ERI3: variants seen among roughly 807,000 people sequenced by gnomAD.
ERI3 encodes the protein ERI1 exoribonuclease 3.
A neutral mutation model predicts 44.4 loss-of-function variants in ERI3; 18 were observed. That is an observed-to-expected ratio of 0.41 (90% CI 0.28 to 0.60). The LOEUF (loss-of-function observed/expected upper bound fraction) is 0.60, where lower values mean the gene tolerates loss of function less well. Ranked by LOEUF, ERI3 falls within the 20% of genes least tolerant of loss-of-function variation. ERI3 has a pLI of 0.36. For missense variants in ERI3, 294 were observed against 435.5 expected, an observed-to-expected ratio of 0.68 and a Z score of 2.89; for synonymous variants, 183 against 164.8, an observed-to-expected ratio of 1.11 and a Z score of -0.84.
intron 8 of ERI3, among the ~76,000 whole-genome samples, chr1:44,236,061 G>A (rs986853664): frequency 2.1e-4 from 32 of 152,304 alleles, no homozygotes; most frequent in South Asian, 1.0e-3. Flanking sequence ...GCTAACAGGT[G>A]GGCCCCAGTG....
intron 6 of ERI3, among the ~76,000 whole-genome samples, chr1:44,306,854 AC>A (rs1447640813): frequency 6.6e-6 from 1 of 152,096 alleles, no homozygotes; most frequent in Non-Finnish European, 1.5e-5. Context: ...GGCCATATGA[AC>A]CCCAGAATTC....
At chr1:44,280,892 G>GCATT (rs1645271126) in intron 7 of ERI3, among the ~76,000 whole-genome samples, 1 of 152,074 alleles carries the variant, frequency 6.6e-6, no homozygotes, top group Admixed American at 6.6e-5. Context: ...TACATTTTAG[G>GCATT]CATTCATTCA....
rs746504894 is a variant in ERI3, at chr1:44,353,758, G to A, written c.136-833C>T. The A allele has an allele frequency of 6.2e-4, 615 of 985,320 alleles. 2 individuals carry two copies. Among genetic ancestry groups the A allele is most frequent in the Non-Finnish European group, 7.1e-4 (592 of 829,946 alleles). 61.0% of individuals were successfully genotyped at this position (985,320 alleles called of 1,614,324 possible). ...AGCTGATTATTTACAGGATCTTTGGGCAGGAATTGTTAATGAGCTTTTAAT... is the reference window on the plus strand; with the variant it reads ...AGCTGATTATTTACAGGATCTTTGGACAGGAATTGTTAATGAGCTTTTAAT... On this transcript the variant is annotated intron_variant, in intron 1 of 8. Coordinates refer to ENST00000372257, the MANE Select transcript of ERI3 (RefSeq NM_024066.3).
At chr1:44,301,930 C>CAAATATCACT (rs1413195106) in intron 6 of ERI3, among the ~76,000 whole-genome samples, 1 of 152,232 alleles carries the variant, frequency 6.6e-6, no homozygotes, top group Admixed American at 6.5e-5. Flanking sequence ...ATTCCTCATG[C>CAAATATCACT]AAATATCACT....
chr1:44,225,279 C>T (rs760680156), intron 8 of ERI3, among the ~76,000 whole-genome samples: 1 of 152,176 alleles, frequency 6.6e-6, no homozygotes, highest in South Asian at 2.1e-4. Context: ...AGAAGGCTAA[C>T]CTTTGGTTTT....
chr1:44,319,325 C>T (rs609361), intron 4 of ERI3, among the ~76,000 whole-genome samples: 148,209 of 152,362 alleles, frequency 0.97, 72,113 homozygotes, highest in Middle Eastern at 1. Context: ...CTAAGGAAAA[C>T]TGAACTGGAA....
At chr1:44,254,182 C>T (rs549298489) in intron 7 of ERI3, among the ~76,000 whole-genome samples, 11 of 152,268 alleles carry the variant, frequency 7.2e-5, no homozygotes, top group African/African-American at 1.4e-4. Flanking sequence ...CAGCCATGGA[C>T]GTTGCCTCTC....
intron 6 of ERI3, among the ~76,000 whole-genome samples, chr1:44,294,604 T>C (rs1371481554): frequency 6.6e-6 from 1 of 152,186 alleles, no homozygotes; most frequent in East Asian, 1.9e-4. Flanking sequence ...GTCATGACTG[T>C]AGAAGTGCTG....
chr1:44,230,964 A>T (rs1328224298), intron 8 of ERI3, among the ~76,000 whole-genome samples: 1 of 152,222 alleles, frequency 6.6e-6, no homozygotes, highest in Admixed American at 6.5e-5. Context: ...CTTGGAGACC[A>T]GGAGTGTTTT....
At chr1:44,306,882 A>G (rs1645847206) in intron 6 of ERI3, among the ~76,000 whole-genome samples, 1 of 152,168 alleles carries the variant, frequency 6.6e-6, no homozygotes, top group Non-Finnish European at 1.5e-5. Flanking sequence ...TCAGCCTGAA[A>G]CTGGCCCCAC....
chr1:44,312,991 G>A (rs575419825), intron 5 of ERI3, among the ~76,000 whole-genome samples, 178 bp downstream of exon 5: 1 of 152,364 alleles, frequency 6.6e-6, no homozygotes, highest in African/African-American at 2.4e-5. Flanking sequence ...GGGAACAGCT[G>A]GAGATGACAG....
rs537036818 is a variant in ERI3, at chr1:44,235,904, G to A, written c.931+12035C>T. Among the ~76,000 whole-genome samples, 38 of 152,342 alleles carry A rather than the reference G, an allele frequency of 2.5e-4. No homozygotes were observed. Among genetic ancestry groups the A allele is most frequent in the African/African-American group, 8.2e-4 (34 of 41,580 alleles). ...AGGCCTAGCTATGCCTAGGGACTCT[G>A]GGAAGGGGGGATGCCCTCCCTAAGC... is the stretch of plus-strand genomic sequence containing the variant. On this transcript the variant is annotated intron_variant, in intron 8 of 8. Coordinates refer to ENST00000372257, the MANE Select transcript of ERI3 (RefSeq NM_024066.3). The surrounding 1 kb of genome is among the most constrained non-coding windows in gnomAD (Gnocchi z 4.6).
intron 5 of ERI3, among the ~76,000 whole-genome samples, chr1:44,310,963 G>GCGCGTGCGCGCGCGCACACA (rs1373873768): frequency 1.6e-5 from 2 of 123,202 alleles, no homozygotes; most frequent in Non-Finnish European, 3.4e-5. Flanking sequence ...GCGCGCGCGC[G>GCGCGTGCGCGCGCGCACACA]CACACACACA....
In ERI3 at chr1:44,355,061, C is replaced by G. The variant is rs767941183; in HGVS notation, c.-35G>C. ...CCCTCCTCGGGGCCAGCGCGGCAGGCTCCCTCCAGGTGCAGGCCCCGACGT... is the reference window on the plus strand; with the variant it reads ...CCCTCCTCGGGGCCAGCGCGGCAGGGTCCCTCCAGGTGCAGGCCCCGACGT... On this transcript the variant is annotated 5_prime_UTR_variant, in exon 1 of 9. Coordinates refer to ENST00000372257, the MANE Select transcript of ERI3 (RefSeq NM_024066.3). The G allele has an allele frequency of 1.5e-6, 2 of 1,345,754 alleles. No homozygotes were observed. Among genetic ancestry groups the G allele is most frequent in the Non-Finnish European group, 1.9e-6 (2 of 1,044,466 alleles). 83.4% of individuals were successfully genotyped at this position (1,345,754 alleles called of 1,614,324 possible). A position where few individuals can be genotyped will look rare whatever the true frequency, so the allele number is the denominator to read the frequency against.
rs531787511 is a variant in ERI3 at position 44,225,860 on chromosome 1, A to G, written c.932-4220T>C. On this transcript the variant is annotated intron_variant, in intron 8 of 8. Transcript: ENST00000372257. Reference sequence around the variant, plus strand: ...CAAGAAGTTAGAAGTCCATTCATTCATATACTCATTCATTCAGCAAACATG... The same window carrying G: ...CAAGAAGTTAGAAGTCCATTCATTCGTATACTCATTCATTCAGCAAACATG... Among the ~76,000 whole-genome samples, 7 of 152,306 alleles carry G rather than the reference A, an allele frequency of 4.6e-5. No individual in the cohort carries two copies. The East Asian group carries it at 1.2e-3, about 25-fold the overall frequency.
chr1:44,233,403 TTC>T (rs1322918424), intron 8 of ERI3, among the ~76,000 whole-genome samples: 2 of 151,108 alleles, frequency 1.3e-5, no homozygotes, highest in East Asian at 1.9e-4. Flanking sequence ...TGATGTCACG[TTC>T]TTTTTTTTTT....
Position 44,302,336 on chromosome 1 carries a change from T to A in ERI3, c.758+5974A>T, listed in dbSNP as rs545399000. On this transcript the variant is annotated intron_variant, in intron 6 of 8. Transcript: ENST00000372257. ...AAGCACTTGCAATGACAGATAAAAGTAATGGGAAATGAGACAAGTCAGGAC... is the reference window on the plus strand; with the variant it reads ...AAGCACTTGCAATGACAGATAAAAGAAATGGGAAATGAGACAAGTCAGGAC... 4.6e-5 allele frequency among the ~76,000 whole-genome samples: 7 copies of A among 152,218 alleles called. No homozygotes were observed. The East Asian group carries it at 1.4e-3, about 29-fold the overall frequency.
intron 2 of ERI3, among the ~76,000 whole-genome samples, chr1:44,350,369 C>G (rs1226281331): frequency 6.6e-6 from 1 of 151,792 alleles, no homozygotes; most frequent in Non-Finnish European, 1.5e-5. Flanking sequence ...TCAAGTGATT[C>G]TCATGCCTCA....
At chr1:44,256,219 C>A (rs1302765721) in intron 7 of ERI3, among the ~76,000 whole-genome samples, 1 of 152,154 alleles carries the variant, frequency 6.6e-6, no homozygotes, top group Admixed American at 6.5e-5. Context: ...TCCTGCCAAT[C>A]CTACCCAGTC....
Sources: allele counts gnomAD v4.1 joint callset (sites outside exome capture counted in the v4.1 genomes callset), GRCh38; gene constraint gnomAD v4.1.1; non-coding constraint Gnocchi (gnomAD v3.1); transcripts MANE v1.5; gene names NCBI Gene and HGNC (gene_info 2026-07-23, HGNC 2026-07-21).